Variants in DCST2 observed in about 807,000 individuals in gnomAD.
DCST2 encodes DC-STAMP domain-containing protein 2.
DCST2 carries 64 observed loss-of-function variants against 81.8 expected under a neutral mutation model. That is an observed-to-expected ratio of 0.78 (90% CI 0.64 to 0.96). The LOEUF is 0.96. Among genes scored for constraint, DCST2 ranks in the 40% least tolerant of loss-of-function variants. The probability of loss-of-function intolerance (pLI) is 0.00; values close to 1 mark genes in which losing one functional copy is unlikely to be tolerated. For synonymous variants in DCST2, 354 were observed against 402.6 expected (o/e 0.88, Z 1.44); for missense variants, 945 against 1,001.4 (o/e 0.94, Z 0.76).
intron 14 of DCST2, among the ~76,000 whole-genome samples, chr1:155,020,488 G>A (rs1210159096): frequency 6.6e-6 from 1 of 152,048 alleles, no homozygotes; most frequent in Non-Finnish European, 1.5e-5. Context: ...TTCTGCCTCA[G>A]CCTCCCAAGT....
Position 155,024,543 on chromosome 1 carries a change from G to A in DCST2, c.1671C>T (p.Ala557=), listed in dbSNP as rs370064823. ...CCCGCCGCCTCACTGATCGGTGCAG[G>A]GCAGCCAACAGATTGGTTCGGCGGC... The part of the protein sequence containing the change: ...LLSRRTNLLA[A]LHRSVRRRAA... Residue 557 remains alanine (A), a synonymous_variant, in exon 11 of 15, where the codon GCC becomes GCT. Coordinates refer to ENST00000368424, the MANE Select transcript of DCST2 (RefSeq NM_144622.3). The A allele has an allele frequency of 2.5e-6, 4 of 1,610,370 alleles. No individual in the cohort carries two copies. The highest frequency in any genetic ancestry group is 2.5e-6 in the Non-Finnish European group (3 of 1,178,324).
rs1659652184 is a variant in DCST2 at position 155,018,765 on chromosome 1, T to C, written c.2106-5A>G. 6.2e-7 allele frequency: 1 copy of C among 1,611,886 alleles called. No homozygotes were observed. The highest frequency in any genetic ancestry group is 1.3e-5 in the African/African-American group (1 of 74,790). On this transcript the variant is annotated splice_polypyrimidine_tract_variant and splice_region_variant and intron_variant, in intron 14 of 14. Coordinates refer to ENST00000368424, the MANE Select transcript of DCST2 (RefSeq NM_144622.3). Reference sequence around the variant, plus strand: ...CCCTTCTCCTCATCCAGGTCACTAGTGAGGAGAGGAAGGGGGTGGCCGGAT... The same window carrying C: ...CCCTTCTCCTCATCCAGGTCACTAGCGAGGAGAGGAAGGGGGTGGCCGGAT...
chr1:155,019,686 C>T (rs1266885175), intron 14 of DCST2, among the ~76,000 whole-genome samples: 2 of 152,214 alleles, frequency 1.3e-5, no homozygotes, highest in African/African-American at 4.8e-5. Context: ...CACCTCAATT[C>T]TCACTCCATC....
In DCST2 at chr1:155,030,245, G is replaced by T; in HGVS notation, c.1020-4C>A. The T allele has an allele frequency of 6.2e-7, 1 of 1,614,068 alleles. No individual in the cohort carries two copies. Among genetic ancestry groups the T allele is most frequent in the Non-Finnish European group, 8.5e-7 (1 of 1,179,992 alleles). ...ACAATACCGGTAAAATAGGGCTCTGGGAAGGGGAGGTGGAGCACATGTGAG... is the reference window on the plus strand; with the variant it reads ...ACAATACCGGTAAAATAGGGCTCTGTGAAGGGGAGGTGGAGCACATGTGAG... On this transcript the variant is annotated splice_polypyrimidine_tract_variant and splice_region_variant and intron_variant, in intron 6 of 14. Transcript: ENST00000368424.
At chr1:155,026,861 T>A in intron 8 of DCST2, 146 bp from the exon 9 acceptor site, 1 of 931,500 alleles carries the variant, frequency 1.1e-6, no homozygotes, top group Non-Finnish European at 1.6e-6. Flanking sequence ...TCAGGCACCC[T>A]CATGGTGCCC....
In DCST2 at chr1:155,031,217, C is replaced by T. The variant is rs1433749759; in HGVS notation, c.757G>A (p.Val253Ile). 5.7e-6 allele frequency: 9 copies of T among 1,587,328 alleles called. No homozygotes were observed. Among genetic ancestry groups the T allele is most frequent in the Admixed American group, 1.9e-5 (1 of 53,306 alleles). The change falls in exon 5 of 15, where the codon GTC becomes ATC. Residue 253 changes from valine to isoleucine, a missense_variant. Transcript: ENST00000368424. ...AAGGGTTGAATGTACTTAGGGATGACGCAGAACACCTGGACCACTGAGGGG... is the reference window on the plus strand; with the variant it reads ...AAGGGTTGAATGTACTTAGGGATGATGCAGAACACCTGGACCACTGAGGGG... ...GLASLVQVFC[V>I]IPKYIQPFLR...
chr1:155,023,714 G>T, intron 12 of DCST2, 118 bp downstream of exon 12: 1 of 1,579,066 alleles, frequency 6.3e-7, no homozygotes, highest in Non-Finnish European at 8.6e-7. Flanking sequence ...AGTAATGAAG[G>T]GAGGGGCACA....
intron 3 of DCST2, among the ~76,000 whole-genome samples, 156 bp downstream of exon 3, chr1:155,032,511 C>G (rs1660124665): frequency 6.6e-6 from 1 of 151,918 alleles, no homozygotes; most frequent in African/African-American, 2.4e-5. Flanking sequence ...GAGACAGGGT[C>G]TCGCCATGTT....
chr1:155,024,445 C>A, intron 11 of DCST2, 27 bp downstream of exon 11: 1 of 1,575,440 alleles, frequency 6.3e-7, no homozygotes, highest in South Asian at 1.2e-5. Flanking sequence ...TCTTGCCCCA[C>A]CCCTATAGAA....
At chr1:155,027,052 AG>A (rs1413123549) in intron 8 of DCST2, among the ~76,000 whole-genome samples, 1 of 151,356 alleles carries the variant, frequency 6.6e-6, no homozygotes, top group Non-Finnish European at 1.5e-5. Flanking sequence ...TTATTTTTTG[AG>A]ACAGGGTTTC....
chr1:155,031,537 T>G, intron 4 of DCST2, 37 bp downstream of exon 4: 1 of 376,686 alleles, frequency 2.7e-6, no homozygotes, highest in Non-Finnish European at 5.2e-6. Flanking sequence ...CCACCCCACA[T>G]CGGCTCCTCC....
At chr1:155,030,036 A>AGCCCTGGCC in intron 7 of DCST2, 48 bp downstream of exon 7, 1 of 1,606,018 alleles carries the variant, frequency 6.2e-7, no homozygotes. Context: ...GGTGGGGGGA[A>AGCCCTGGCC]GCCCTGGCCT....
At chr1:155,027,243 TGCTGGCCAG>T (rs997902701) in intron 8 of DCST2, among the ~76,000 whole-genome samples, 1 of 142,304 alleles carries the variant, frequency 7.0e-6, no homozygotes, top group Non-Finnish European at 1.5e-5. Context: ...GGTTTCACCA[TGCTGGCCAG>T]GCTGGTCTCA....
rs570677774 is a variant in DCST2 at position 155,029,959 on chromosome 1, C to T, written c.1177+125G>A. 20 of 1,413,528 alleles carry T rather than the reference C, an allele frequency of 1.4e-5. No individual in the cohort carries two copies. In the East Asian group the frequency reaches 4.4e-4, roughly 31 times the overall value. The allele number at this position is 1,413,528 out of a possible 1,614,324, so 87.6% of individuals were successfully genotyped here. ...CTTAAGCTCTGGGTTGTGTCTCCTCCCTCTGGCCCCTGCCCCAAGCCCATC... is the reference window on the plus strand; with the variant it reads ...CTTAAGCTCTGGGTTGTGTCTCCTCTCTCTGGCCCCTGCCCCAAGCCCATC... On this transcript the variant is annotated intron_variant, in intron 7 of 14. Coordinates refer to ENST00000368424, the MANE Select transcript of DCST2 (RefSeq NM_144622.3).
Position 155,031,235 on chromosome 1 carries a change from C to T in DCST2, c.740-1G>A. ...GGGATGACGCAGAACACCTGGACCA[C>T]TGAGGGGCGGAGTCGGCTGAGTGTC... On this transcript the variant is annotated splice_acceptor_variant, in intron 4 of 14. Coordinates refer to ENST00000368424, the MANE Select transcript of DCST2 (RefSeq NM_144622.3). LOFTEE classifies it high-confidence loss of function. 2 of 1,575,616 alleles carry T rather than the reference C, an allele frequency of 1.3e-6. No homozygotes were observed. The highest frequency in any genetic ancestry group is 2.3e-5 in the South Asian group (2 of 86,274).
intron 5 of DCST2, 167 bp from the exon 6 acceptor site, chr1:155,030,812 G>C: frequency 1.5e-6 from 1 of 672,732 alleles, no homozygotes; most frequent in Non-Finnish European, 2.5e-6. Context: ...AAGCCTCCAC[G>C]TATCTGTGCC....
intron 9 of DCST2, 52 bp downstream of exon 9, chr1:155,026,496 C>T: frequency 1.2e-6 from 2 of 1,612,734 alleles, no homozygotes; most frequent in Non-Finnish European, 1.7e-6. Flanking sequence ...CTGCACCCCT[C>T]ATTTCCCACA....
chr1:155,024,848 T>C (rs1659855269), intron 10 of DCST2, among the ~76,000 whole-genome samples: 1 of 152,132 alleles, frequency 6.6e-6, no homozygotes, highest in African/African-American at 2.4e-5. Context: ...AATTACAACG[T>C]CTTGTTAAAA....
chr1:155,032,966 G>A (rs898053185), intron 2 of DCST2, 128 bp downstream of exon 2: 15 of 1,141,100 alleles, frequency 1.3e-5, no homozygotes, highest in Non-Finnish European at 1.8e-5. Flanking sequence ...TGTGCCCAGA[G>A]TCCCTTCCAG....
Sources: gnomAD v4.1 joint callset for allele counts (sites outside exome capture counted in the v4.1 genomes callset) on GRCh38, gnomAD v4.1.1 for gene constraint, MANE v1.5 for transcripts, NCBI Gene and HGNC (gene_info 2026-07-23, HGNC 2026-07-21) for gene names.